The following ILRUN variants were observed in gnomAD, a reference collection of about 807,000 sequenced individuals.
ILRUN encodes protein ILRUN.
Under a neutral mutation model 33.8 loss-of-function variants are expected in ILRUN, and 3 were observed. That is an observed-to-expected ratio of 0.09 (90% CI 0.04 to 0.23). ILRUN has a LOEUF of 0.23. ILRUN is among the 10% of genes least tolerant of loss of function. The pLI is 1.00. For synonymous variants in ILRUN, 124 were observed against 138.9 expected (o/e 0.89, Z 0.75); for missense variants, 210 against 375.1 (o/e 0.56, Z 3.64).
chr6:34,589,310 C>T lies in ILRUN; in HGVS notation c.*1255G>A, dbSNP rs915294328. ...CAGCTGGGCTGCCACTTGCCCACCT[C>T]CCAGCCAATAATCTAGCATCCTGGC... On this transcript the variant is annotated 3_prime_UTR_variant, in exon 5 of 5. Coordinates refer to ENST00000374023, the MANE Select transcript of ILRUN (RefSeq NM_024294.4). The T allele has an allele frequency of 2.0e-5, 3 of 152,178 alleles. No individual in the cohort carries two copies. The highest frequency in any genetic ancestry group is 7.2e-5 in the African/African-American group (3 of 41,392). The allele number at this position is 152,178 out of a possible 1,614,324, so 9.4% of individuals were successfully genotyped here. A position where few individuals can be genotyped will look rare whatever the true frequency, so the allele number is the denominator to read the frequency against.
intron 1 of ILRUN, 75 bp from the exon 2 acceptor site, chr6:34,654,854 A>G: frequency 7.1e-7 from 1 of 1,413,120 alleles, no homozygotes; most frequent in Non-Finnish European, 9.5e-7. Flanking sequence ...AAAAGGAAAA[A>G]GCCTGTTTCT....
intron 1 of ILRUN, chr6:34,685,558 A>C (rs930352039): frequency 3.3e-5 from 5 of 152,170 alleles, no homozygotes; most frequent in African/African-American, 9.7e-5. Flanking sequence ...AGCACACTAC[A>C]GCCCAGAACT....
chr6:34,603,538 G>A (rs1761561996), intron 4 of ILRUN, among the ~76,000 whole-genome samples: 1 of 152,118 alleles, frequency 6.6e-6, no homozygotes, highest in African/African-American at 2.4e-5. Context: ...GGGAGGCTGA[G>A]ATAGAGGATT....
At chr6:34,623,685 A>C (rs1172530062) in intron 3 of ILRUN, among the ~76,000 whole-genome samples, 3 of 152,236 alleles carry the variant, frequency 2.0e-5, no homozygotes, top group Non-Finnish European at 4.4e-5. Flanking sequence ...TTAAGAGGCA[A>C]ATCTATACAG....
At chr6:34,657,261 T>C (rs969753527) in intron 1 of ILRUN, among the ~76,000 whole-genome samples, 2 of 152,232 alleles carry the variant, frequency 1.3e-5, no homozygotes, top group Admixed American at 6.5e-5. Context: ...AAATATGTTT[T>C]GGAGGGAAGA....
intron 3 of ILRUN, among the ~76,000 whole-genome samples, chr6:34,638,578 G>A (rs1210220208): frequency 6.6e-6 from 1 of 151,922 alleles, no homozygotes; most frequent in Non-Finnish European, 1.5e-5. Flanking sequence ...AAAAACCCAT[G>A]CCTGTGGTCC....
intron 3 of ILRUN, among the ~76,000 whole-genome samples, chr6:34,628,575 G>A (rs1443980095): frequency 5.3e-5 from 8 of 151,760 alleles, no homozygotes; most frequent in South Asian, 2.1e-4. Context: ...CTCATGATCC[G>A]CCCGCCTCGG....
intron 2 of ILRUN, among the ~76,000 whole-genome samples, chr6:34,651,241 T>C (rs1357771264): frequency 6.6e-6 from 1 of 152,064 alleles, no homozygotes. Flanking sequence ...AAAGATAAAA[T>C]CTCTAGCAAC....
chr6:34,595,516 A>G (rs868539095), intron 4 of ILRUN, among the ~76,000 whole-genome samples: 5 of 152,234 alleles, frequency 3.3e-5, no homozygotes, highest in Non-Finnish European at 2.9e-5. Flanking sequence ...TAGTAGACTC[A>G]GGTATCAGTA....
intron 3 of ILRUN, among the ~76,000 whole-genome samples, chr6:34,627,918 G>A (rs933412134): frequency 6.6e-6 from 1 of 152,016 alleles, no homozygotes; most frequent in African/African-American, 2.4e-5. Flanking sequence ...CAGCCAGGCT[G>A]GACTTGAATT....
intron 1 of ILRUN, among the ~76,000 whole-genome samples, chr6:34,662,769 T>C (rs966109047): frequency 6.6e-6 from 1 of 152,180 alleles, no homozygotes; most frequent in East Asian, 1.9e-4. Flanking sequence ...CGCTACGGAA[T>C]AGTACACTTA....
intron 3 of ILRUN, among the ~76,000 whole-genome samples, chr6:34,623,308 A>C (rs1762046270): frequency 6.6e-6 from 1 of 152,188 alleles, no homozygotes; most frequent in Non-Finnish European, 1.5e-5. Flanking sequence ...GTTGAAGGCC[A>C]ATCAGTAATT....
At chr6:34,598,309 A>G (rs1202670128) in intron 4 of ILRUN, among the ~76,000 whole-genome samples, 4 of 152,220 alleles carry the variant, frequency 2.6e-5, no homozygotes, top group African/African-American at 9.6e-5. Context: ...TTATCCTGAG[A>G]TACAACAGTT....
chr6:34,684,124 T>C (rs1763465829), intron 1 of ILRUN, among the ~76,000 whole-genome samples: 1 of 151,946 alleles, frequency 6.6e-6, no homozygotes, highest in Non-Finnish European at 1.5e-5. Flanking sequence ...AAACCTATAT[T>C]TTTTACTTCT....
At chr6:34,601,870 G>A (rs1233965933) in intron 4 of ILRUN, among the ~76,000 whole-genome samples, 1 of 151,056 alleles carries the variant, frequency 6.6e-6, no homozygotes, top group Non-Finnish European at 1.5e-5. Context: ...TCTACAGGAT[G>A]ACTGTCAAGA....
At chr6:34,613,786 T>C (rs907940771) in intron 3 of ILRUN, among the ~76,000 whole-genome samples, 1 of 152,238 alleles carries the variant, frequency 6.6e-6, no homozygotes, top group Non-Finnish European at 1.5e-5. Context: ...ACATGTATTA[T>C]CTAGCTCTGT....
chr6:34,660,259 C>T (rs889998043), intron 1 of ILRUN, among the ~76,000 whole-genome samples: 3 of 151,608 alleles, frequency 2.0e-5, no homozygotes, highest in Non-Finnish European at 2.9e-5. Flanking sequence ...GCTGAGACTG[C>T]GCCACTGCAC....
chr6:34,592,832 C>T lies in ILRUN; in HGVS notation c.862-2232G>A, dbSNP rs911738942. Among the ~76,000 whole-genome samples, 2 of 151,998 alleles carry T rather than the reference C, an allele frequency of 1.3e-5. No homozygotes were observed. The highest frequency in any genetic ancestry group is 4.8e-5 in the African/African-American group (2 of 41,376). ...CTTTAATTCCCTTAAGGTTTAGAACCAATACAATGCTCAAAGGTCTCTGTG... is the reference window on the plus strand; with the variant it reads ...CTTTAATTCCCTTAAGGTTTAGAACTAATACAATGCTCAAAGGTCTCTGTG... On this transcript the variant is annotated intron_variant, in intron 4 of 4. Transcript: ENST00000374023. The surrounding 1 kb of genome is among the most constrained non-coding windows in gnomAD (Gnocchi z 4.0).
At chr6:34,604,997 A>G (rs969733740) in intron 4 of ILRUN, among the ~76,000 whole-genome samples, 5 of 152,120 alleles carry the variant, frequency 3.3e-5, no homozygotes, top group Non-Finnish European at 7.4e-5. Flanking sequence ...TTGTCTCTTG[A>G]TCTAGACCAC....
Sources: allele counts gnomAD v4.1 joint callset (sites outside exome capture counted in the v4.1 genomes callset), GRCh38; gene constraint gnomAD v4.1.1; non-coding constraint Gnocchi (gnomAD v3.1); transcripts MANE v1.5; gene names NCBI Gene and HGNC (gene_info 2026-07-23, HGNC 2026-07-21).